CPEB1: variants seen among roughly 807,000 people sequenced by gnomAD.
CPEB1 encodes cytoplasmic polyadenylation element-binding protein 1.
In CPEB1, 7 loss-of-function variants were observed where a neutral mutation model predicts 65.8. That is an observed-to-expected ratio of 0.11 (90% confidence interval 0.06 to 0.20). The LOEUF (loss-of-function observed/expected upper bound fraction) is 0.20, where lower values mean the gene tolerates loss of function less well. Among genes scored for constraint, CPEB1 ranks in the 10% least tolerant of loss-of-function variants. The probability of loss-of-function intolerance (pLI) is 1.00; values close to 1 mark genes in which losing one functional copy is unlikely to be tolerated. For missense variants in CPEB1, 551 were observed against 712.2 expected (o/e 0.77, Z 2.58); for synonymous variants, 262 against 260.0 (o/e 1.01, Z -0.08).
chr15:82,600,453 G>GA (rs201717885), intron 3 of CPEB1, among the ~76,000 whole-genome samples: 185 of 145,640 alleles, frequency 1.3e-3, no homozygotes, highest in Middle Eastern at 3.7e-3. Context: ...GAAATTCAGA[G>GA]AAAAAAAAAA....
At chr15:82,640,554 G>A (rs1458812163) in intron 1 of CPEB1, 3 of 152,004 alleles carry the variant, frequency 2.0e-5, no homozygotes, top group African/African-American at 7.3e-5. Context: ...TGCCTGTTTT[G>A]GCAATAACCT....
chr15:82,615,846 A>G (rs569469598), intron 3 of CPEB1, among the ~76,000 whole-genome samples: 1 of 152,260 alleles, frequency 6.6e-6, no homozygotes, highest in East Asian at 1.9e-4. Flanking sequence ...GTACATACTC[A>G]AGGAAGCTCT....
intron 3 of CPEB1, among the ~76,000 whole-genome samples, chr15:82,601,325 G>A (rs1362248345): frequency 6.6e-6 from 1 of 151,790 alleles, no homozygotes; most frequent in Non-Finnish European, 1.5e-5. Context: ...TGGATCACCT[G>A]AGGTCAGGAG....
intron 11 of CPEB1, 91 bp from the exon 12 acceptor site, chr15:82,546,612 C>CAGGAATGCGGGATAT: frequency 2.2e-6 from 2 of 919,600 alleles, no homozygotes; most frequent in Middle Eastern, 2.1e-4. Context: ...TGGCCACACA[C>CAGGAATGCGGGATAT]AGGAATGCGG....
At chr15:82,578,592 C>T (rs990095484) in intron 3 of CPEB1, among the ~76,000 whole-genome samples, 1 of 152,000 alleles carries the variant, frequency 6.6e-6, no homozygotes, top group African/African-American at 2.4e-5. Flanking sequence ...CCCATCTCAA[C>T]TAAAAAATAC....
At chr15:82,609,482 C>CA (rs1417451439) in intron 3 of CPEB1, among the ~76,000 whole-genome samples, 2 of 150,730 alleles carry the variant, frequency 1.3e-5, no homozygotes, top group Non-Finnish European at 2.9e-5. Flanking sequence ...GCCTGGGCAA[C>CA]AGAGCGAGAG....
chr15:82,626,593 C>T (rs2045797518), intron 3 of CPEB1, among the ~76,000 whole-genome samples: 1 of 152,144 alleles, frequency 6.6e-6, no homozygotes, highest in Admixed American at 6.5e-5. Context: ...GGGGATGCTG[C>T]CCTCTATCTC....
intron 3 of CPEB1, among the ~76,000 whole-genome samples, chr15:82,585,328 T>C (rs2041704723): frequency 6.6e-6 from 1 of 152,186 alleles, no homozygotes; most frequent in South Asian, 2.1e-4. Flanking sequence ...ATACAGACTG[T>C]GATCAAGACA....
intron 4 of CPEB1, among the ~76,000 whole-genome samples, chr15:82,568,727 G>A (rs991046148): frequency 1.3e-5 from 2 of 152,190 alleles, no homozygotes; most frequent in Non-Finnish European, 2.9e-5. Flanking sequence ...CCCTATCATA[G>A]CAGATGCAGC....
At chr15:82,611,474 A>G (rs1450300900) in intron 3 of CPEB1, among the ~76,000 whole-genome samples, 3 of 152,176 alleles carry the variant, frequency 2.0e-5, no homozygotes, top group African/African-American at 7.2e-5. Flanking sequence ...TGGCAATAGT[A>G]GGCCAGGCAC....
At chr15:82,631,253 A>AGGCAAATGAT (rs1268761883) in intron 1 of CPEB1, among the ~76,000 whole-genome samples, 3 of 152,170 alleles carry the variant, frequency 2.0e-5, no homozygotes, top group African/African-American at 7.2e-5. Context: ...CACCTTCCCA[A>AGGCAAATGAT]ATCAAGGCAA....
At position 82,571,420 on chromosome 15, in the gene CPEB1, G is replaced by A. The variant is rs564554340; in HGVS notation, c.384C>T (p.Ser128=). 6.2e-7 allele frequency: 1 copy of A among 1,614,080 alleles called. No homozygotes were observed. Among genetic ancestry groups the A allele is most frequent in the Non-Finnish European group, 8.5e-7 (1 of 1,179,988 alleles). Residue 128 remains serine (S), a synonymous_variant, in exon 4 of 13, where the codon TCC becomes TCT. Transcript: ENST00000684509. Reference sequence around the variant, plus strand: ...GTCGGTCCCAGCCTGTCAGACTGAGGGACTGCAGGCCAAGGCACAAGTCAT... The same window carrying A: ...GTCGGTCCCAGCCTGTCAGACTGAGAGACTGCAGGCCAAGGCACAAGTCAT... ...DANDLCLGLQ[S]LSLTGWDRPW...
intron 9 of CPEB1, among the ~76,000 whole-genome samples, chr15:82,551,873 T>G (rs1440590480): frequency 6.6e-6 from 1 of 152,068 alleles, no homozygotes; most frequent in Admixed American, 6.6e-5. Context: ...GAATGTGCAA[T>G]GAGATCCCCA....
chr15:82,596,766 AGTTTT>A (rs2042699468), intron 3 of CPEB1, among the ~76,000 whole-genome samples: 1 of 151,872 alleles, frequency 6.6e-6, no homozygotes, highest in South Asian at 2.1e-4. Flanking sequence ...AGAAGCATGT[AGTTTT>A]GTTTACATGG....
At chr15:82,640,975 C>T (rs2047059948) in intron 1 of CPEB1, 1 of 151,578 alleles carries the variant, frequency 6.6e-6, no homozygotes, top group African/African-American at 2.4e-5. Flanking sequence ...GAGACCAACA[C>T]AGCAGAGGTA....
intron 1 of CPEB1, among the ~76,000 whole-genome samples, chr15:82,640,350 A>G (rs991344375): frequency 1.3e-5 from 2 of 152,018 alleles, no homozygotes; most frequent in African/African-American, 2.4e-5. Context: ...ATGCCTTTTT[A>G]TACTCATATG....
chr15:82,623,478 G>A (rs1340405781), intron 3 of CPEB1, among the ~76,000 whole-genome samples: 1 of 152,178 alleles, frequency 6.6e-6, no homozygotes, highest in East Asian at 1.9e-4. Flanking sequence ...AGGAGTTCAA[G>A]ACCAGCCTGG....
intron 3 of CPEB1, among the ~76,000 whole-genome samples, chr15:82,598,239 GCTGAGGTGGGTGGATCAC>G (rs57424110): frequency 0.68 from 103,233 of 151,240 alleles, 36,034 homozygotes; most frequent in African/African-American, 0.83. Context: ...ACTTTGGGAG[GCTGAGGTGGGTGGATCAC>G]CTGAGGTGGG....
intron 8 of CPEB1, 158 bp downstream of exon 8, chr15:82,553,309 G>T: frequency 1.6e-6 from 1 of 625,894 alleles, no homozygotes. Context: ...ATGTTAGGTT[G>T]AAGAGAAAGT....
Sources: gnomAD v4.1 joint callset for allele counts (sites outside exome capture counted in the v4.1 genomes callset) on GRCh38, gnomAD v4.1.1 for gene constraint, MANE v1.5 for transcripts, NCBI Gene and HGNC (gene_info 2026-07-23, HGNC 2026-07-21) for gene names.